SH3TC2: variants seen among roughly 807,000 people sequenced by gnomAD.
SH3TC2 encodes SH3 domain and tetratricopeptide repeat-containing protein 2.
Under a neutral mutation model 124.5 loss-of-function variants are expected in SH3TC2, and 87 were observed. The ratio of observed to expected loss-of-function variants is 0.70; its 90% CI spans 0.59 to 0.84. The LOEUF is 0.84. Among genes scored for constraint, SH3TC2 ranks in the 40% least tolerant of loss-of-function variants. The pLI is 0.00. For synonymous variants in SH3TC2, 634 were observed against 628.5 expected, an observed-to-expected ratio of 1.01 and a Z score of -0.13; for missense variants, 1,536 against 1,566.4, an observed-to-expected ratio of 0.98 and a Z score of 0.33.
chr5:149,025,701 G>C (rs1168632945), intron 12 of SH3TC2: 1 of 152,172 alleles, frequency 6.6e-6, no homozygotes, highest in Non-Finnish European at 1.5e-5. Flanking sequence ...ACAATGAAGA[G>C]AAAACCAACA....
In SH3TC2 at chr5:149,027,280, C is replaced by T. The variant is rs778630891; in HGVS notation, c.2452G>A (p.Val818Met). 1.2e-6 allele frequency: 2 copies of T among 1,614,156 alleles called. No homozygotes were observed. Among genetic ancestry groups the T allele is most frequent in the East Asian group, 2.2e-5 (1 of 44,882 alleles). The stretch of plus-strand genomic sequence containing the variant: ...AGGGAGCATAGCAGTGGCTCAAGCA[C>T]ATCCAAAGCCTTCTTGGCCTGGCTG... ...LASQAKKALDVLEPLLCSLKE... is the reference protein window; with the variant it reads ...LASQAKKALDMLEPLLCSLKE... Residue 818 changes from valine (V) to methionine (M), a missense_variant, in exon 11 of 17, where the codon GTG (valine) becomes ATG (methionine). By Grantham distance (21) the Val-to-Met change is conservative (BLOSUM62 1). Around this residue, in one of 3 missense-constraint regions of SH3TC2, gnomAD observed 1,102 missense variants for 1,098.6 expected, o/e 1.00. Coordinates refer to ENST00000515425, the MANE Select transcript of SH3TC2 (RefSeq NM_024577.4).
chr5:149,031,942 C>T lies in SH3TC2; in HGVS notation c.1002-255G>A, dbSNP rs868189119. The stretch of plus-strand genomic sequence containing the variant: ...AGGTCAAAGTGGGGATGAAAACACC[C>T]CTTCTCTTAAAACCCCATCTCCCAA... On this transcript the variant is annotated intron_variant, in intron 8 of 16. Coordinates refer to ENST00000515425, the MANE Select transcript of SH3TC2 (RefSeq NM_024577.4). 4.6e-5 allele frequency among the ~76,000 whole-genome samples: 7 copies of T among 152,248 alleles called. No homozygotes were observed. In the Middle Eastern group the frequency reaches 0.01, roughly 223 times the overall value.
Position 149,028,007 on chromosome 5 carries a change from C to T in SH3TC2, c.1725G>A (p.Leu575=). 7.4e-6 allele frequency: 12 copies of T among 1,614,170 alleles called. No homozygotes were observed. The highest frequency in any genetic ancestry group is 1.0e-5 in the Non-Finnish European group (12 of 1,180,046). ...LSLVATLYIN[L]AAIYLKQRLR... ...GCCTCTGTTTCAGGTAGATGGCAGC[C>T]AAATTGATGTACAGAGTGGCCACCA... is the stretch of plus-strand genomic sequence containing the variant. The change falls in exon 11 of 17, where the codon TTG becomes TTA. Residue 575 remains leucine (L), a synonymous_variant. Transcript: ENST00000515425.
rs770951592 is a variant in SH3TC2 at position 148,996,398 on chromosome 5, C to T, written c.*8313G>A. Among the ~76,000 whole-genome samples, 1 of 152,104 alleles carries T rather than the reference C, an allele frequency of 6.6e-6. No homozygotes were observed. The highest frequency in any genetic ancestry group is 1.5e-5 in the Non-Finnish European group (1 of 68,016). On this transcript the variant is annotated 3_prime_UTR_variant, in exon 17 of 17. Transcript: ENST00000515425. ...TAAGCTCTTAGGACTGTAAAACAACCGGAAATGAAAATCCTCCAAGTAATC... is the reference window on the plus strand; with the variant it reads ...TAAGCTCTTAGGACTGTAAAACAACTGGAAATGAAAATCCTCCAAGTAATC...
At position 149,026,369 on chromosome 5, in the gene SH3TC2, A is replaced by G. The variant is rs1754062613; in HGVS notation, c.3053+203T>C. 12 of 618,650 alleles carry G rather than the reference A, an allele frequency of 1.9e-5. No homozygotes were observed. In the East Asian group the frequency reaches 3.3e-4, roughly 17 times the overall value. 38.3% of individuals were successfully genotyped at this position (618,650 alleles called of 1,614,324 possible). On this transcript the variant is annotated intron_variant, in intron 12 of 16. Coordinates refer to ENST00000515425, the MANE Select transcript of SH3TC2 (RefSeq NM_024577.4). ...CTTCCTTTGGCTGATGAGGAAACTG[A>G]GACATGGAGAAATTAAATAGCTTGC...
In SH3TC2 at chr5:149,063,043, G is replaced by T; in HGVS notation, c.-21C>A. 6.3e-7 allele frequency: 1 copy of T among 1,590,830 alleles called. No homozygotes were observed. The highest frequency in any genetic ancestry group is 8.6e-7 in the Non-Finnish European group (1 of 1,167,632). ...CCCATGTGTGTACCATCCTACCCTGGCCGAGGCCCTTGGGAACACAGGCCA... is the reference window on the plus strand; with the variant it reads ...CCCATGTGTGTACCATCCTACCCTGTCCGAGGCCCTTGGGAACACAGGCCA... On this transcript the variant is annotated 5_prime_UTR_variant, in exon 1 of 17. Coordinates refer to ENST00000515425, the MANE Select transcript of SH3TC2 (RefSeq NM_024577.4).
chr5:149,047,786 G>T, intron 3 of SH3TC2, 76 bp downstream of exon 3: 1 of 1,591,948 alleles, frequency 6.3e-7, no homozygotes, highest in Non-Finnish European at 8.6e-7. Flanking sequence ...TCCAGATGCT[G>T]TCTTAGATGC....
Position 149,027,395 on chromosome 5 carries a change from G to A in SH3TC2, c.2337C>T (p.Tyr779=), listed in dbSNP as rs1561764804. The A allele has an allele frequency of 1.9e-6, 3 of 1,614,146 alleles. No homozygotes were observed. The highest frequency in any genetic ancestry group is 1.7e-6 in the Non-Finnish European group (2 of 1,180,038). ...GCCCTAGCACCAAGGCCTGGCTCAG[G>A]TAGTGGATGGCACCGTCAGGAGACC... is the stretch of plus-strand genomic sequence containing the variant. The part of the protein sequence containing the change: ...EHRSPDGAIH[Y]LSQALVLGQL... The change falls in exon 11 of 17, where the codon TAC becomes TAT. Residue 779 remains tyrosine, a synonymous_variant. Coordinates refer to ENST00000515425, the MANE Select transcript of SH3TC2 (RefSeq NM_024577.4).
At chr5:149,020,687 C>A (rs1753953899) in intron 12 of SH3TC2, among the ~76,000 whole-genome samples, 1 of 151,994 alleles carries the variant, frequency 6.6e-6, no homozygotes, top group Admixed American at 6.6e-5. Flanking sequence ...GATAAAAAGA[C>A]CAAAATTGTC....
chr5:149,039,600 T>A (rs1016946312), intron 7 of SH3TC2, among the ~76,000 whole-genome samples: 19 of 152,246 alleles, frequency 1.2e-4, no homozygotes, highest in African/African-American at 4.1e-4. Context: ...ATATCTACAT[T>A]GTAAGAGAAA....
intron 12 of SH3TC2, among the ~76,000 whole-genome samples, chr5:149,020,475 T>C (rs545172967): frequency 1.3e-5 from 2 of 152,148 alleles, no homozygotes; most frequent in South Asian, 4.1e-4. Context: ...CAGACAAAAA[T>C]CCTACCTTAC....
At chr5:149,006,738 C>A (rs1753695646) in intron 16 of SH3TC2, 143 bp downstream of exon 16, 2 of 870,020 alleles carry the variant, frequency 2.3e-6, no homozygotes, top group African/African-American at 3.3e-5. Context: ...TGTAAAGCCA[C>A]TCCTCACCCT....
chr5:149,062,208 C>T (rs1010601179), intron 1 of SH3TC2: 28 of 407,200 alleles, frequency 6.9e-5, no homozygotes, highest in African/African-American at 4.3e-5. Flanking sequence ...CCTCCCCCCA[C>T]CAATCTAACC....
In SH3TC2 at chr5:149,008,869, T is replaced by C. The variant is rs1480943939; in HGVS notation, c.3460A>G (p.Arg1154Gly). 1 of 1,614,192 alleles carries C rather than the reference T, an allele frequency of 6.2e-7. No individual in the cohort carries two copies. Among genetic ancestry groups the C allele is most frequent in the Non-Finnish European group, 8.5e-7 (1 of 1,180,038 alleles). Residue 1154 changes from arginine to glycine, a missense_variant, in exon 15 of 17, where the codon AGG becomes GGG. By Grantham distance (125) the Arg-to-Gly change is moderately radical. Transcript: ENST00000515425. ...KALEFATLAARLSTVTGDQRQ... is the reference protein window; with the variant it reads ...KALEFATLAAGLSTVTGDQRQ... The stretch of plus-strand genomic sequence containing the variant: ...CACCCACCTGTGACTGTGCTGAGCC[T>C]GGCGGCCAGGGTGGCAAATTCCAAA...
In SH3TC2 at chr5:149,063,045, C is replaced by T. The variant is rs574813759; in HGVS notation, c.-23G>A. On this transcript the variant is annotated 5_prime_UTR_variant, in exon 1 of 17. Coordinates refer to ENST00000515425, the MANE Select transcript of SH3TC2 (RefSeq NM_024577.4). ...CATGTGTGTACCATCCTACCCTGGC[C>T]GAGGCCCTTGGGAACACAGGCCAGA... 57 of 1,588,676 alleles carry T rather than the reference C, an allele frequency of 3.6e-5. No homozygotes were observed. The Middle Eastern group carries it at 6.6e-4, about 18-fold the overall frequency.
In SH3TC2 at chr5:149,003,541, G is replaced by A. The variant is rs1753630940; in HGVS notation, c.*1170C>T. The A allele has an allele frequency of 6.3e-6, 1 of 157,980 alleles. No homozygotes were observed. The highest frequency in any genetic ancestry group is 1.4e-5 in the Non-Finnish European group (1 of 71,468). 9.8% of individuals were successfully genotyped at this position (157,980 alleles called of 1,614,324 possible). A position where few individuals can be genotyped will look rare whatever the true frequency, so the allele number is the denominator to read the frequency against. On this transcript the variant is annotated 3_prime_UTR_variant, in exon 17 of 17. Transcript: ENST00000515425. Reference sequence around the variant, plus strand: ...CTGCAGCCCCAGCTGATTGCAGCCTGTGAACCACCCTAAGCTGGTGGGCTC... The same window carrying A: ...CTGCAGCCCCAGCTGATTGCAGCCTATGAACCACCCTAAGCTGGTGGGCTC...
chr5:149,004,843 A>G lies in SH3TC2; in HGVS notation c.3735T>C (p.Gly1245=). Residue 1245 remains glycine (G), a synonymous_variant, in exon 17 of 17, where the codon GGT becomes GGC. Coordinates refer to ENST00000515425, the MANE Select transcript of SH3TC2 (RefSeq NM_024577.4). The part of the protein sequence containing the change: ...LLALAAAVLL[G]DEELQDTIRS... ...TAATGGTGTCCTGAAGCTCCTCATC[A>G]CCCAGCAGGACCGCTGCTGCCAGGG... 5 of 1,614,054 alleles carry G rather than the reference A, an allele frequency of 3.1e-6. No homozygotes were observed. The highest frequency in any genetic ancestry group is 4.2e-6 in the Non-Finnish European group (5 of 1,180,000).
Position 149,031,700 on chromosome 5 carries a change from A to G in SH3TC2, c.1002-13T>C. Reference sequence around the variant, plus strand: ...AGAGTTCCTGCTCCTGCATCGGGGCAAAAAACACAGAGACAGATTACTGCA... The same window carrying G: ...AGAGTTCCTGCTCCTGCATCGGGGCGAAAAACACAGAGACAGATTACTGCA... On this transcript the variant is annotated splice_polypyrimidine_tract_variant and intron_variant, in intron 8 of 16. Coordinates refer to ENST00000515425, the MANE Select transcript of SH3TC2 (RefSeq NM_024577.4). The G allele has an allele frequency of 1.2e-6, 2 of 1,613,784 alleles. No homozygotes were observed. Among genetic ancestry groups the G allele is most frequent in the Non-Finnish European group, 1.7e-6 (2 of 1,179,972 alleles).
Position 149,026,552 on chromosome 5 carries a change from A to G in SH3TC2, c.3053+20T>C. 1 of 1,613,234 alleles carries G rather than the reference A, an allele frequency of 6.2e-7. No homozygotes were observed. The highest frequency in any genetic ancestry group is 8.5e-7 in the Non-Finnish European group (1 of 1,179,952). ...AAGGAAGGAAAGCTGCTTCTAGGAC[A>G]GTTCCTGACCCTGACTCACCTGGCG... On this transcript the variant is annotated intron_variant, in intron 12 of 16. Transcript: ENST00000515425.
Sources: allele counts gnomAD v4.1 joint callset (sites outside exome capture counted in the v4.1 genomes callset), GRCh38; gene constraint gnomAD v4.1.1; regional missense constraint gnomAD v4.1.1; transcripts MANE v1.5; gene names NCBI Gene and HGNC (gene_info 2026-07-23, HGNC 2026-07-21).